The following GAK variants were observed in gnomAD, a reference collection of about 807,000 sequenced individuals.
GAK encodes the protein cyclin G associated kinase, also known as cyclin-G-associated kinase.
Under a neutral mutation model 143.9 loss-of-function variants are expected in GAK, and 79 were observed. The observed-to-expected ratio is 0.55, with a 90% CI of 0.46 to 0.66. The LOEUF (loss-of-function observed/expected upper bound fraction) is 0.66. Among genes scored for constraint, GAK ranks in the 30% least tolerant of loss-of-function variants. GAK has a pLI of 0.00. For synonymous variants in GAK, 881 were observed against 765.5 expected, an observed-to-expected ratio of 1.15 and a Z score of -2.49; for missense variants, 1,693 against 1,779.7, an observed-to-expected ratio of 0.95 and a Z score of 0.88.
chr4:857,323 T>C (rs368087690), intron 24 of GAK, among the ~76,000 whole-genome samples: 2 of 152,224 alleles, frequency 1.3e-5, no homozygotes, highest in African/African-American at 2.4e-5. Context: ...GGTGATAGTA[T>C]GAGCTTCGTA....
At chr4:914,293 C>T (rs1383684120) in intron 1 of GAK, among the ~76,000 whole-genome samples, 1 of 117,080 alleles carries the variant, frequency 8.5e-6, no homozygotes, top group Non-Finnish European at 1.7e-5. Flanking sequence ...CACACACAGC[C>T]CCAGAGTACA....
chr4:904,852 G>C, intron 4 of GAK, 73 bp from the exon 5 acceptor site: 1 of 1,483,794 alleles, frequency 6.7e-7, no homozygotes, highest in South Asian at 1.2e-5. Flanking sequence ...GCTGTTTCAC[G>C]CGGACTTCCC....
intron 1 of GAK, among the ~76,000 whole-genome samples, chr4:917,432 A>G (rs931234183): frequency 6.6e-6 from 1 of 152,248 alleles, no homozygotes; most frequent in Non-Finnish European, 1.5e-5. Context: ...CCATGCCAAA[A>G]AAAGAGAGTA....
chr4:883,027 T>G (rs1036908779), intron 13 of GAK, among the ~76,000 whole-genome samples: 5 of 152,256 alleles, frequency 3.3e-5, no homozygotes, highest in Admixed American at 2.6e-4. Flanking sequence ...TGGGTCCCTT[T>G]GCATACTGAC....
At chr4:883,952 C>T in intron 12 of GAK, 85 bp downstream of exon 12, 7 of 1,309,380 alleles carry the variant, frequency 5.3e-6, no homozygotes, top group Non-Finnish European at 7.6e-6. Context: ...AGCAGAGGCA[C>T]CTGTGCCCTG....
chr4:877,253 C>A, intron 16 of GAK, 46 bp from the exon 17 acceptor site: 1 of 1,299,774 alleles, frequency 7.7e-7, no homozygotes, highest in Non-Finnish European at 1.1e-6. Flanking sequence ...CCCCCAAAAC[C>A]AACCAAACAA....
intron 5 of GAK, among the ~76,000 whole-genome samples, chr4:899,999 T>C (rs1305018609): frequency 1.3e-5 from 2 of 152,130 alleles, no homozygotes; most frequent in African/African-American, 4.8e-5. Context: ...ATGCAGAGCG[T>C]GGGGCGAGGC....
chr4:878,279 C>T (rs56083715), intron 15 of GAK, among the ~76,000 whole-genome samples: 23,478 of 152,136 alleles, frequency 0.15, 2,260 homozygotes, highest in Non-Finnish European at 0.22. Flanking sequence ...ATCCCAGCTA[C>T]TCGGGAGGGC....
At chr4:915,578 G>A (rs1269584897) in intron 1 of GAK, 1 of 152,044 alleles carries the variant, frequency 6.6e-6, no homozygotes, top group Non-Finnish European at 1.5e-5. Context: ...GAGCAGAGTT[G>A]GTTTAACATT....
At chr4:923,783 C>G (rs1724249157) in intron 1 of GAK, among the ~76,000 whole-genome samples, 1 of 152,212 alleles carries the variant, frequency 6.6e-6, no homozygotes, top group Non-Finnish European at 1.5e-5. Context: ...CCTGGGACAG[C>G]AGAGTGACCA....
At chr4:877,012 T>C in intron 17 of GAK, 78 bp downstream of exon 17, 2 of 983,120 alleles carry the variant, frequency 2.0e-6, no homozygotes, top group Admixed American at 2.0e-5. Context: ...CGGTGAGAAG[T>C]GAGCGCACTG....
At chr4:911,420 G>A (rs59096409) in intron 4 of GAK, among the ~76,000 whole-genome samples, 13 of 152,216 alleles carry the variant, frequency 8.5e-5, no homozygotes, top group Non-Finnish European at 1.3e-4. Context: ...ATGGGAGCCC[G>A]GCTCTCTGGC....
chr4:894,384 G>A, intron 7 of GAK: 1 of 190,190 alleles, frequency 5.3e-6, no homozygotes. Flanking sequence ...GCGCAGGGGT[G>A]ACTCCTGGGC....
intron 1 of GAK, among the ~76,000 whole-genome samples, chr4:928,359 G>A (rs912312919): frequency 2.0e-5 from 3 of 152,048 alleles, no homozygotes; most frequent in East Asian, 1.9e-4. Flanking sequence ...TGCCCGGCCC[G>A]GTCTACTTTT....
chr4:924,795 C>G (rs1724442412), intron 1 of GAK, among the ~76,000 whole-genome samples: 1 of 150,746 alleles, frequency 6.6e-6, no homozygotes, highest in Non-Finnish European at 1.5e-5. Context: ...TGAGTGCTCT[C>G]CTGTGAGATC....
rs1434553244 is a variant in GAK, at chr4:867,309, C to T, written c.2519G>A (p.Gly840Asp). The change falls in exon 21 of 28, where the codon GGC becomes GAC. Residue 840 changes from glycine to aspartate, a missense_variant. Physicochemically the swap from Gly to Asp is moderately conservative, Grantham distance 94 (BLOSUM62 -1). Transcript: ENST00000314167. Reference sequence around the variant, plus strand: ...CTCTGGGTCGGCCCTGGGTTCCTGGCCCTCGCTGGAGATCGGGGATCCCCC... The same window carrying T: ...CTCTGGGTCGGCCCTGGGTTCCTGGTCCTCGCTGGAGATCGGGGATCCCCC... Reference protein sequence around the residue: ...DEGGSPISSEGQEPRADPEPP... With the variant: ...DEGGSPISSEDQEPRADPEPP... 6.2e-7 allele frequency: 1 copy of T among 1,611,680 alleles called. No individual in the cohort carries two copies. Among genetic ancestry groups the T allele is most frequent in the East Asian group, 2.2e-5 (1 of 44,810 alleles).
At chr4:877,583 G>A (rs766507365) in intron 16 of GAK, 32 bp downstream of exon 16, 2 of 1,537,682 alleles carry the variant, frequency 1.3e-6, no homozygotes, top group Non-Finnish European at 1.8e-6. Flanking sequence ...TGAGGAGGAG[G>A]GAGCACAGCG....
At chr4:906,246 A>G (rs996352588) in intron 4 of GAK, among the ~76,000 whole-genome samples, 1 of 152,230 alleles carries the variant, frequency 6.6e-6, no homozygotes, top group Non-Finnish European at 1.5e-5. Flanking sequence ...TGTCATTAAC[A>G]TGGATACAAA....
At chr4:856,426 A>AC (rs1410885345) in intron 24 of GAK, among the ~76,000 whole-genome samples, 21 of 129,422 alleles carry the variant, frequency 1.6e-4, no homozygotes, top group Admixed American at 9.9e-4. Context: ...ACAGCTGCTC[A>AC]CACCTGCTCA....
Sources: gnomAD v4.1 joint callset for allele counts (sites outside exome capture counted in the v4.1 genomes callset) on GRCh38, gnomAD v4.1.1 for gene constraint, MANE v1.5 for transcripts, NCBI Gene and HGNC (gene_info 2026-07-23, HGNC 2026-07-21) for gene names.